Variants in ERO1A observed in about 807,000 individuals in gnomAD.
ERO1A encodes the protein endoplasmic reticulum oxidoreductase 1 alpha.
ERO1A carries 49 observed loss-of-function variants against 76.9 expected under a neutral mutation model. The ratio of observed to expected loss-of-function variants is 0.64; its 90% CI spans 0.51 to 0.81. ERO1A has a LOEUF of 0.81. Among genes scored for constraint, ERO1A ranks in the 30% least tolerant of loss-of-function variants. The pLI is 0.00. For missense variants in ERO1A, 448 were observed against 542.1 expected, an observed-to-expected ratio of 0.83 and a Z score of 1.72; for synonymous variants, 174 against 181.2, an observed-to-expected ratio of 0.96 and a Z score of 0.32.
chr14:52,665,618 G>A (rs576623607), intron 7 of ERO1A, among the ~76,000 whole-genome samples: 7 of 150,246 alleles, frequency 4.7e-5, no homozygotes, highest in African/African-American at 9.8e-5. Flanking sequence ...TAATGTGCTC[G>A]CACATACATT....
At chr14:52,649,829 T>C (rs1049685092) in intron 13 of ERO1A, among the ~76,000 whole-genome samples, 1 of 152,144 alleles carries the variant, frequency 6.6e-6, no homozygotes, top group African/African-American at 2.4e-5. Flanking sequence ...ATAAGTATTA[T>C]CTAACAGCAA....
chr14:52,668,760 A>T (rs977352857), intron 6 of ERO1A, among the ~76,000 whole-genome samples: 1 of 148,312 alleles, frequency 6.7e-6, no homozygotes, highest in Non-Finnish European at 1.5e-5. Context: ...ATTATATTAC[A>T]AATCTTATAA....
intron 1 of ERO1A, 140 bp from the exon 2 acceptor site, chr14:52,684,047 G>T: frequency 3.6e-6 from 2 of 550,604 alleles, no homozygotes; most frequent in Non-Finnish European, 3.2e-6. Flanking sequence ...CTTGAGATGG[G>T]GTATGACAAT....
intron 9 of ERO1A, chr14:52,658,357 A>G (rs12889031): frequency 0.19 from 96,197 of 514,824 alleles, 9,470 homozygotes; most frequent in Admixed American, 0.24. Context: ...CTTGGTCTTT[A>G]AAAGGCTTTA....
chr14:52,676,437 T>C (rs1268572755), intron 4 of ERO1A, among the ~76,000 whole-genome samples: 2 of 152,186 alleles, frequency 1.3e-5, no homozygotes, highest in Non-Finnish European at 2.9e-5. Flanking sequence ...ATTGTGGGTA[T>C]GATACAGGCC....
At chr14:52,693,827 A>T (rs1566649902) in intron 1 of ERO1A, among the ~76,000 whole-genome samples, 1 of 152,146 alleles carries the variant, frequency 6.6e-6, no homozygotes, top group Non-Finnish European at 1.5e-5. Flanking sequence ...GTTGAGTCTG[A>T]AAAGAAACAC....
In ERO1A at chr14:52,695,467, C is replaced by G. The variant is rs1340557716; in HGVS notation, c.15G>C (p.Trp5Cys). 10 of 1,529,734 alleles carry G rather than the reference C, an allele frequency of 6.5e-6. No homozygotes were observed. Among genetic ancestry groups the G allele is most frequent in the Non-Finnish European group, 7.9e-6 (9 of 1,137,134 alleles). 94.8% of individuals were successfully genotyped at this position (1,529,734 alleles called of 1,614,324 possible). A position where few individuals can be genotyped will look rare whatever the true frequency, so the allele number is the denominator to read the frequency against. MGRG[W>C]GFLFGLLGAV... Reference sequence around the variant, plus strand: ...CGCCCAGGAGGCCAAACAAGAATCCCCAGCCGCGGCCCATTGCAGCTCCGG... The same window carrying G: ...CGCCCAGGAGGCCAAACAAGAATCCGCAGCCGCGGCCCATTGCAGCTCCGG... Residue 5 changes from tryptophan to cysteine, a missense_variant, in exon 1 of 16, where the codon TGG becomes TGC. By Grantham distance (215) the Trp-to-Cys change is radical. Around this residue, in one of 2 missense-constraint regions of ERO1A, gnomAD observed 146 missense variants for 130.2 expected, o/e 1.12. Coordinates refer to ENST00000395686, the MANE Select transcript of ERO1A (RefSeq NM_014584.3).
rs546111725 is a variant in ERO1A, at chr14:52,649,398, G to A, written c.1125+2841C>T. Among the ~76,000 whole-genome samples, 15 of 152,148 alleles carry A rather than the reference G, an allele frequency of 9.9e-5. No individual in the cohort carries two copies. The East Asian group carries it at 2.7e-3, about 27-fold the overall frequency. The stretch of plus-strand genomic sequence containing the variant: ...ATTTGTAAATATGACTGTTTAAATC[G>A]ATGTTTACCAGAAACTGCTTTTTAA... On this transcript the variant is annotated intron_variant, in intron 13 of 15. Coordinates refer to ENST00000395686, the MANE Select transcript of ERO1A (RefSeq NM_014584.3).
intron 13 of ERO1A, among the ~76,000 whole-genome samples, chr14:52,648,292 A>G (rs1445818493): frequency 6.6e-6 from 1 of 152,128 alleles, no homozygotes; most frequent in Non-Finnish European, 1.5e-5. Context: ...CTGTGATCTG[A>G]TTTTAGGTTG....
Position 52,646,363 on chromosome 14 carries a change from A to C in ERO1A, c.1212+12T>G, listed in dbSNP as rs1405511114. The stretch of plus-strand genomic sequence containing the variant: ...GGGTAAATGAGAAATAGGAATGACT[A>C]AATTTGCTTACCTGAAGCTTTCCCC... On this transcript the variant is annotated intron_variant, in intron 14 of 15. Transcript: ENST00000395686. 1.2e-6 allele frequency: 2 copies of C among 1,608,128 alleles called. No homozygotes were observed. The highest frequency in any genetic ancestry group is 1.7e-6 in the Non-Finnish European group (2 of 1,178,034).
In ERO1A at chr14:52,695,476, G is replaced by T. The variant is rs1213506588; in HGVS notation, c.6C>A (p.Gly2=). M[G]RGWGFLFGLL... Reference sequence around the variant, plus strand: ...GGCCAAACAAGAATCCCCAGCCGCGGCCCATTGCAGCTCCGGCAGCTTGTC... The same window carrying T: ...GGCCAAACAAGAATCCCCAGCCGCGTCCCATTGCAGCTCCGGCAGCTTGTC... The change falls in exon 1 of 16, where the codon GGC becomes GGA. Residue 2 remains glycine (G), a synonymous_variant. Transcript: ENST00000395686. 1 of 1,514,716 alleles carries T rather than the reference G, an allele frequency of 6.6e-7. No individual in the cohort carries two copies. Among genetic ancestry groups the T allele is most frequent in the Non-Finnish European group, 8.9e-7 (1 of 1,128,364 alleles). The allele number at this position is 1,514,716 out of a possible 1,614,324, so 93.8% of individuals were successfully genotyped here.
chr14:52,673,114 G>C (rs2040664956), intron 4 of ERO1A, among the ~76,000 whole-genome samples: 1 of 151,626 alleles, frequency 6.6e-6, no homozygotes, highest in Non-Finnish European at 1.5e-5. Context: ...CTTTGAGAAA[G>C]GGTCTCGCTC....
chr14:52,668,710 ATTC>A (rs895459308), intron 6 of ERO1A, among the ~76,000 whole-genome samples: 56 of 150,084 alleles, frequency 3.7e-4, no homozygotes, highest in African/African-American at 1.2e-3. Flanking sequence ...TAAATACTTC[ATTC>A]TTCTTCAAGC....
intron 15 of ERO1A, 67 bp downstream of exon 15, chr14:52,646,087 C>T: frequency 1.3e-6 from 2 of 1,502,346 alleles, no homozygotes; most frequent in Non-Finnish European, 1.8e-6. Context: ...CCAGTTTTTT[C>T]TGAGAGCATA....
rs562670345 is a variant in ERO1A at position 52,672,150 on chromosome 14, C to CA, written c.358-280dup. On this transcript the variant is annotated intron_variant, in intron 4 of 15. Coordinates refer to ENST00000395686, the MANE Select transcript of ERO1A (RefSeq NM_014584.3). ...TGAAACCCTGTCTCTACTAAAAATACAAAAAATTAGCAGGGCGTGGTGGCA... is the reference window on the plus strand; with the variant it reads ...TGAAACCCTGTCTCTACTAAAAATACAAAAAAATTAGCAGGGCGTGGTGGCA... 43 of 225,554 alleles carry CA rather than the reference C, an allele frequency of 1.9e-4. 1 individual carries two copies. In the South Asian group the frequency reaches 3.1e-3, roughly 16 times the overall value. 14.0% of individuals were successfully genotyped at this position (225,554 alleles called of 1,614,324 possible). A position where few individuals can be genotyped will look rare whatever the true frequency, so the allele number is the denominator to read the frequency against.
At position 52,676,804 on chromosome 14, in the gene ERO1A, G is replaced by A. The variant is rs566696302; in HGVS notation, c.357+1630C>T. ...AATCCCAACCCTTTGAGAGGCCGAG[G>A]TGGGTGAACAGCTTGAGTCCAGGAG... On this transcript the variant is annotated intron_variant, in intron 4 of 15. Coordinates refer to ENST00000395686, the MANE Select transcript of ERO1A (RefSeq NM_014584.3). Among the ~76,000 whole-genome samples, 7 of 151,624 alleles carry A rather than the reference G, an allele frequency of 4.6e-5. No homozygotes were observed. In the East Asian group the frequency reaches 1.4e-3, roughly 29 times the overall value.
At position 52,653,094 on chromosome 14, in the gene ERO1A, GTAACATT is replaced by G. The variant is rs1401536893; in HGVS notation, c.1023_1029del (p.Lys341AsnfsTer32). ...TTGATTTCATGAAGTATTTCCAGAA[GTAACATT>G]TTGTTTTCCTCATCCTGAATTTTAT... On this transcript the variant is annotated frameshift_variant, in exon 12 of 16. Coordinates refer to ENST00000395686, the MANE Select transcript of ERO1A (RefSeq NM_014584.3). LOFTEE classifies it high-confidence loss of function. 2 of 1,544,886 alleles carry G rather than the reference GTAACATT, an allele frequency of 1.3e-6. No homozygotes were observed. Among genetic ancestry groups the G allele is most frequent in the East Asian group, 2.3e-5 (1 of 44,430 alleles).
chr14:52,659,412 A>C (rs2040157897), intron 9 of ERO1A, among the ~76,000 whole-genome samples: 1 of 152,154 alleles, frequency 6.6e-6, no homozygotes, highest in Non-Finnish European at 1.5e-5. Context: ...AAATATCAAA[A>C]TGTTAGCAGA....
At chr14:52,687,590 A>AT (rs1241856929) in intron 1 of ERO1A, among the ~76,000 whole-genome samples, 8 of 152,230 alleles carry the variant, frequency 5.3e-5, no homozygotes, top group African/African-American at 1.9e-4. Flanking sequence ...TTGTTTCAGG[A>AT]TGTGCTAAGG....
Sources: allele counts gnomAD v4.1 joint callset (sites outside exome capture counted in the v4.1 genomes callset), GRCh38; gene constraint gnomAD v4.1.1; regional missense constraint gnomAD v4.1.1; transcripts MANE v1.5; gene names NCBI Gene and HGNC (gene_info 2026-07-23, HGNC 2026-07-21).